CLEC19A: variants seen among roughly 807,000 people sequenced by gnomAD.
CLEC19A encodes the protein C-type lectin domain family 19 member A.
In CLEC19A, 21 loss-of-function variants were observed where a neutral mutation model predicts 26.1. The ratio of observed to expected loss-of-function variants is 0.80; its 90% confidence interval spans 0.57 to 1.16. The LOEUF is 1.16. Ranked by LOEUF, CLEC19A falls within the 50% of genes most tolerant of loss-of-function variation. CLEC19A has a pLI of 0.00. For missense variants in CLEC19A, 224 were observed against 227.6 expected (o/e 0.98, Z 0.10); for synonymous variants, 89 against 88.6 (o/e 1.00, Z -0.03).
At chr16:19,287,021 C>CTTTTTTTTTTTTTTTTTTTTTTTTTTT (rs550913735) in intron 1 of CLEC19A, among the ~76,000 whole-genome samples, 1 of 123,150 alleles carries the variant, frequency 8.1e-6, no homozygotes. Context: ...AGGTATCCTT[C>CTTTTTTTTTTTTTTTTTTTTTTTTTTT]TTTTTTTTTT....
chr16:19,289,185 C>T (rs1252475230), intron 1 of CLEC19A, among the ~76,000 whole-genome samples: 5 of 152,172 alleles, frequency 3.3e-5, no homozygotes, highest in Admixed American at 3.3e-4. Context: ...CCTAGAGCAG[C>T]CCGGATCCTA....
At chr16:19,302,401 G>A (rs1897852639) in intron 2 of CLEC19A, among the ~76,000 whole-genome samples, 1 of 152,166 alleles carries the variant, frequency 6.6e-6, no homozygotes, top group African/African-American at 2.4e-5. Flanking sequence ...GCTGATGGGA[G>A]CAGATACACC....
intron 1 of CLEC19A, among the ~76,000 whole-genome samples, chr16:19,286,340 C>G (rs926684407): frequency 1.3e-5 from 2 of 152,244 alleles, no homozygotes; most frequent in Non-Finnish European, 2.9e-5. Context: ...GATTTGGCAT[C>G]TGGGCCCCAA....
intron 2 of CLEC19A, among the ~76,000 whole-genome samples, chr16:19,302,972 G>A (rs1897867457): frequency 6.6e-6 from 1 of 152,116 alleles, no homozygotes; most frequent in Non-Finnish European, 1.5e-5. Context: ...AAATCTAACT[G>A]GCCATGCTTG....
intron 1 of CLEC19A, among the ~76,000 whole-genome samples, chr16:19,294,595 C>T (rs925638411): frequency 6.6e-6 from 1 of 152,146 alleles, no homozygotes; most frequent in African/African-American, 2.4e-5. Flanking sequence ...AGAAGTTTAC[C>T]TCATTCTAAA....
intron 2 of CLEC19A, among the ~76,000 whole-genome samples, chr16:19,301,736 GTTTTTTTTTTT>G (rs1171248968): frequency 8.6e-4 from 70 of 81,488 alleles, no homozygotes; most frequent in African/African-American, 3.0e-3. Flanking sequence ...GGTTTTTTTG[GTTTTTTTTTTT>G]TTTTTTTTTT....
chr16:19,291,499 A>T (rs1897582946), intron 1 of CLEC19A, among the ~76,000 whole-genome samples: 1 of 152,152 alleles, frequency 6.6e-6, no homozygotes, highest in African/African-American at 2.4e-5. Context: ...ACCTGGTAGG[A>T]TGTGTGAAGA....
chr16:19,296,417 A>G (rs1597082892), intron 1 of CLEC19A, among the ~76,000 whole-genome samples: 1 of 152,098 alleles, frequency 6.6e-6, no homozygotes, highest in Non-Finnish European at 1.5e-5. Context: ...TGGTTATAAA[A>G]CCCTGAGCTA....
chr16:19,294,280 T>C (rs768322364), intron 1 of CLEC19A, among the ~76,000 whole-genome samples: 1 of 152,144 alleles, frequency 6.6e-6, no homozygotes, highest in Non-Finnish European at 1.5e-5. Flanking sequence ...TCTGCAAACA[T>C]CCTGCTCAAG....
intron 1 of CLEC19A, among the ~76,000 whole-genome samples, chr16:19,294,750 T>C (rs1023481487): frequency 6.6e-6 from 1 of 152,228 alleles, no homozygotes; most frequent in Non-Finnish European, 1.5e-5. Context: ...ACTCTAAAAT[T>C]AGAGAAATAG....
At chr16:19,296,252 A>G (rs1897703624) in intron 1 of CLEC19A, among the ~76,000 whole-genome samples, 1 of 152,232 alleles carries the variant, frequency 6.6e-6, no homozygotes, top group Non-Finnish European at 1.5e-5. Context: ...ACCAGCCCTG[A>G]GAAGCATGGC....
rs190141137 is a variant in CLEC19A, at chr16:19,287,777, A to G, written c.88+1838A>G. Reference sequence around the variant, plus strand: ...GTGGGGATAACAAGGGTCCTTATCAAGGGTTTTGGAGATCTTCAATGAGCT... The same window carrying G: ...GTGGGGATAACAAGGGTCCTTATCAGGGGTTTTGGAGATCTTCAATGAGCT... On this transcript the variant is annotated intron_variant, in intron 1 of 4. Transcript: ENST00000636231. 8.5e-5 allele frequency among the ~76,000 whole-genome samples: 13 copies of G among 152,314 alleles called. No homozygotes were observed. The East Asian group carries it at 2.3e-3, about 27-fold the overall frequency.
chr16:19,291,739 G>T (rs930150741), intron 1 of CLEC19A, among the ~76,000 whole-genome samples: 1 of 152,212 alleles, frequency 6.6e-6, no homozygotes, highest in Non-Finnish European at 1.5e-5. Flanking sequence ...GGAGGAGGGG[G>T]AAATGCCGTG....
Position 19,304,061 on chromosome 16 carries a change from G to A in CLEC19A, c.255-1G>A. 1 of 1,547,976 alleles carries A rather than the reference G, an allele frequency of 6.5e-7. No homozygotes were observed. The highest frequency in any genetic ancestry group is 8.7e-7 in the Non-Finnish European group (1 of 1,145,032). On this transcript the variant is annotated splice_acceptor_variant, in intron 2 of 4. Transcript: ENST00000636231. LOFTEE classifies it high-confidence loss of function. ...AGCTACTATTATTCTTAAATTCGCAGCTGGGAGGAGAATGTCTTTGTATAT... is the reference window on the plus strand; with the variant it reads ...AGCTACTATTATTCTTAAATTCGCAACTGGGAGGAGAATGTCTTTGTATAT...
intron 1 of CLEC19A, among the ~76,000 whole-genome samples, chr16:19,291,696 A>G (rs7197635): frequency 6.6e-6 from 1 of 152,018 alleles, no homozygotes; most frequent in African/African-American, 2.4e-5. Flanking sequence ...TGAAAGGCCT[A>G]CTATTCCCAA....
rs146150872 is a variant in CLEC19A, at chr16:19,286,960, C to T, written c.88+1021C>T. On this transcript the variant is annotated intron_variant, in intron 1 of 4. Coordinates refer to ENST00000636231, the MANE Select transcript of CLEC19A (RefSeq NM_001256720.2). ...AGCATGCCCCAAATATTACATGGGA[C>T]GTATTTATACTAAAAATTATCTGTT... Among the ~76,000 whole-genome samples, 93 of 150,248 alleles carry T rather than the reference C, an allele frequency of 6.2e-4. 1 individual carries two copies. The highest frequency in any genetic ancestry group is 4.1e-3 in the East Asian group (21 of 5,128).
chr16:19,294,161 A>C (rs1279305504), intron 1 of CLEC19A, among the ~76,000 whole-genome samples: 1 of 152,114 alleles, frequency 6.6e-6, no homozygotes, highest in Non-Finnish European at 1.5e-5. Flanking sequence ...ATTTAAAAAA[A>C]AAAAGAGGTA....
chr16:19,300,505 G>T (rs1205440847), intron 2 of CLEC19A, among the ~76,000 whole-genome samples: 4 of 150,944 alleles, frequency 2.6e-5, no homozygotes, highest in Non-Finnish European at 5.9e-5. Flanking sequence ...CCATGTTCAG[G>T]CCACTGCACT....
At chr16:19,296,514 A>G (rs987120284) in intron 1 of CLEC19A, among the ~76,000 whole-genome samples, 4 of 152,192 alleles carry the variant, frequency 2.6e-5, no homozygotes, top group Non-Finnish European at 4.4e-5. Flanking sequence ...CAGTAACTCC[A>G]TGAAGCAGGT....
Sources: allele counts gnomAD v4.1 joint callset (sites outside exome capture counted in the v4.1 genomes callset), GRCh38; gene constraint gnomAD v4.1.1; transcripts MANE v1.5; gene names NCBI Gene and HGNC (gene_info 2026-07-23, HGNC 2026-07-21).